Variants in ADAR observed in about 807,000 individuals in gnomAD.
ADAR encodes adenosine deaminase RNA specific.
ADAR carries 41 observed loss-of-function variants against 113.2 expected under a neutral mutation model. The observed-to-expected ratio is 0.36, with a 90% CI of 0.28 to 0.47. The LOEUF (loss-of-function observed/expected upper bound fraction) is 0.47. ADAR is among the 20% of genes least tolerant of loss of function. The pLI is 1.00. For synonymous variants in ADAR, 605 were observed against 572.6 expected (o/e 1.06, Z -0.81); for missense variants, 1,242 against 1,540.9 (o/e 0.81, Z 3.25).
chr1:154,611,687 G>GTCC (rs1159121040), upstream of ADAR, among the ~76,000 whole-genome samples: 1 of 152,148 alleles, frequency 6.6e-6, no homozygotes, highest in Non-Finnish European at 1.5e-5. Flanking sequence ...TGGGTGGTCA[G>GTCC]TCCTCTCAAG....
At chr1:154,588,779 G>A (rs955072239) in intron 9 of ADAR, 106 bp from the exon 10 acceptor site, 1 of 1,477,224 alleles carries the variant, frequency 6.8e-7, no homozygotes, top group Non-Finnish European at 9.4e-7. Flanking sequence ...TCTCAATGTT[G>A]CAGACGTTTC....
chr1:154,585,932 T>G, intron 12 of ADAR, 67 bp from the exon 13 acceptor site: 2 of 1,435,644 alleles, frequency 1.4e-6, no homozygotes, highest in South Asian at 2.4e-5. Context: ...GGCAGAAGCA[T>G]GTGGGGATTT....
chr1:154,602,252 G>C lies in ADAR; in HGVS notation c.390C>G (p.Phe130Leu), dbSNP rs1305409127. Reference protein sequence around the residue: ...QRGVDCLSSHFQELSIYQDQE... With the variant: ...QRGVDCLSSHLQELSIYQDQE... ...GATCTTGGTAGATACTCAGTTCCTG[G>C]AAATGTGAGGAAAGGCAATCAACAC... The change falls in exon 2 of 15, where the codon TTC (phenylalanine) becomes TTG (leucine). Residue 130 changes from phenylalanine (F) to leucine (L), a missense_variant. Around this residue, in one of 2 missense-constraint regions of ADAR, gnomAD observed 462 missense variants for 483.1 expected, o/e 0.96. Coordinates refer to ENST00000368474, the MANE Select transcript of ADAR (RefSeq NM_001111.5). The C allele has an allele frequency of 1.2e-6, 2 of 1,614,186 alleles. No homozygotes were observed. Among genetic ancestry groups the C allele is most frequent in the African/African-American group, 1.3e-5 (1 of 75,038 alleles).
intron 9 of ADAR, 96 bp downstream of exon 9, chr1:154,589,273 T>C (rs1696965610): frequency 1.0e-6 from 1 of 955,462 alleles, no homozygotes; most frequent in South Asian, 1.3e-5. Flanking sequence ...CCCGTCTGTC[T>C]GAGGGGGATT....
intron 1 of ADAR, among the ~76,000 whole-genome samples, chr1:154,622,665 A>T (rs775829777): frequency 1.3e-5 from 2 of 152,196 alleles, no homozygotes; most frequent in Non-Finnish European, 2.9e-5. Flanking sequence ...TGCAGGTTCA[A>T]ACACATATGG....
intron 12 of ADAR, 28 bp downstream of exon 12, chr1:154,586,153 G>A (rs774400489): frequency 1.2e-6 from 2 of 1,613,398 alleles, no homozygotes; most frequent in South Asian, 1.1e-5. Flanking sequence ...GGACAGACCA[G>A]TTCCAGATCC....
rs867384981 is a variant in ADAR at position 154,601,819 on chromosome 1, C to A, written c.823G>T (p.Gly275Cys). The A allele has an allele frequency of 5.0e-6, 8 of 1,614,100 alleles. No homozygotes were observed. Among genetic ancestry groups the A allele is most frequent in the Non-Finnish European group, 6.8e-6 (8 of 1,180,014 alleles). Residue 275 changes from glycine to cysteine, a missense_variant, in exon 2 of 15, where the codon GGT becomes TGT. Coordinates refer to ENST00000368474, the MANE Select transcript of ADAR (RefSeq NM_001111.5). The surrounding 1 kb of genome is among the most constrained non-coding windows in gnomAD (Gnocchi z 4.7). ...HSQGSPNSDP[G>C]LEPEDSNSTS... Reference sequence around the variant, plus strand: ...GAGTTGCTGTCTTCAGGTTCCAAACCTGGGTCTGAGTTTGGGGATCCTTGG... The same window carrying A: ...GAGTTGCTGTCTTCAGGTTCCAAACATGGGTCTGAGTTTGGGGATCCTTGG...
intron 7 of ADAR, 64 bp downstream of exon 7, chr1:154,590,120 C>T (rs554584013): frequency 2.0e-6 from 3 of 1,488,878 alleles, no homozygotes; most frequent in Non-Finnish European, 2.8e-6. Flanking sequence ...CAAGAGCCAC[C>T]TCCACTTAGG....
intron 8 of ADAR, 91 bp from the exon 9 acceptor site, chr1:154,589,553 G>C (rs1696984693): frequency 1.5e-6 from 2 of 1,304,452 alleles, no homozygotes; most frequent in Non-Finnish European, 2.2e-6. Flanking sequence ...CTTCAAGGCA[G>C]AAACAGCCTC....
Position 154,585,882 on chromosome 1 carries a change from G to A in ADAR, c.3203-17C>T, listed in dbSNP as rs766386008. Reference sequence around the variant, plus strand: ...AAAGGTAACCTGAGTACAAAAAAGAGAAACATATATACCTGTGTTTGCACC... The same window carrying A: ...AAAGGTAACCTGAGTACAAAAAAGAAAAACATATATACCTGTGTTTGCACC... On this transcript the variant is annotated splice_polypyrimidine_tract_variant and intron_variant, in intron 12 of 14. Coordinates refer to ENST00000368474, the MANE Select transcript of ADAR (RefSeq NM_001111.5). 3 of 1,601,464 alleles carry A rather than the reference G, an allele frequency of 1.9e-6. No homozygotes were observed. The highest frequency in any genetic ancestry group is 2.2e-5 in the East Asian group (1 of 44,810).
intron 1 of ADAR, among the ~76,000 whole-genome samples, chr1:154,606,259 G>C (rs1462248035): frequency 6.6e-6 from 1 of 152,128 alleles, no homozygotes; most frequent in African/African-American, 2.4e-5. Context: ...CCAGGATGGT[G>C]TCGATCTCCT....
chr1:154,585,171 G>T, intron 14 of ADAR, 46 bp downstream of exon 14: 5 of 1,614,166 alleles, frequency 3.1e-6, no homozygotes, highest in Non-Finnish European at 4.2e-6. Flanking sequence ...ACCCTTGCAA[G>T]TCAGGGCAGA....
At chr1:154,595,872 G>A (rs954232905) in intron 6 of ADAR, among the ~76,000 whole-genome samples, 9 of 152,238 alleles carry the variant, frequency 5.9e-5, no homozygotes, top group African/African-American at 1.4e-4. Flanking sequence ...CATGGCAGGC[G>A]CCCTATACAG....
At chr1:154,615,133 T>C (rs1351655287) in intron 1 of ADAR, among the ~76,000 whole-genome samples, 2 of 152,224 alleles carry the variant, frequency 1.3e-5, no homozygotes, top group African/African-American at 4.8e-5. Context: ...CCTGCCAACA[T>C]GGCCCAGTGA....
In ADAR at chr1:154,608,171, A is replaced by G; in HGVS notation, c.-165T>C. 1.2e-6 allele frequency: 1 copy of G among 817,146 alleles called. No individual in the cohort carries two copies. Among genetic ancestry groups the G allele is most frequent in the Non-Finnish European group, 1.8e-6 (1 of 559,694 alleles). 50.6% of individuals were successfully genotyped at this position (817,146 alleles called of 1,614,324 possible). A position where few individuals can be genotyped will look rare whatever the true frequency, so the allele number is the denominator to read the frequency against. On this transcript the variant is annotated 5_prime_UTR_variant, in exon 1 of 15. Coordinates refer to ENST00000368474, the MANE Select transcript of ADAR (RefSeq NM_001111.5). Reference sequence around the variant, plus strand: ...CTCCGCGGGTCTGCGCGCCGGGCCCAAGATGGCTCCGGTTCAATTTCGCTT... The same window carrying G: ...CTCCGCGGGTCTGCGCGCCGGGCCCGAGATGGCTCCGGTTCAATTTCGCTT...
chr1:154,625,313 C>T (rs1571154924), intron 1 of ADAR, among the ~76,000 whole-genome samples: 1 of 152,198 alleles, frequency 6.6e-6, no homozygotes. Context: ...AAGAGCAAGA[C>T]TCAAACCACA....
At chr1:154,594,284 C>G (rs974737103) in intron 6 of ADAR, among the ~76,000 whole-genome samples, 6 of 152,188 alleles carry the variant, frequency 3.9e-5, no homozygotes, top group South Asian at 2.1e-4. Flanking sequence ...GGATGCCAAA[C>G]ATGTGAAAAT....
intron 6 of ADAR, among the ~76,000 whole-genome samples, chr1:154,590,935 G>C (rs1697107279): frequency 1.3e-5 from 2 of 152,024 alleles, no homozygotes; most frequent in Admixed American, 1.3e-4. Flanking sequence ...GCCTGCGCGA[G>C]ACAGCAAGAT....
At position 154,586,434 on chromosome 1, in the gene ADAR, C is replaced by A. The variant is rs1367899969; in HGVS notation, c.3020-71G>T. 8 of 1,484,520 alleles carry A rather than the reference C, an allele frequency of 5.4e-6. No homozygotes were observed. In the East Asian group the frequency reaches 1.2e-4, roughly 22 times the overall value. 92.0% of individuals were successfully genotyped at this position (1,484,520 alleles called of 1,614,324 possible). On this transcript the variant is annotated intron_variant, in intron 11 of 14. Transcript: ENST00000368474. The stretch of plus-strand genomic sequence containing the variant: ...ACCACTCCCTGGCGTGGTTTCTATC[C>A]TCCTTAAGCTTGGGCCACAGGCTAC...
Sources: allele counts gnomAD v4.1 joint callset (sites outside exome capture counted in the v4.1 genomes callset), GRCh38; gene constraint gnomAD v4.1.1; regional missense constraint gnomAD v4.1.1; non-coding constraint Gnocchi (gnomAD v3.1); transcripts MANE v1.5; gene names NCBI Gene and HGNC (gene_info 2026-07-23, HGNC 2026-07-21).